The following FER variants were observed in gnomAD, a reference collection of about 807,000 sequenced individuals.
FER encodes the protein FER tyrosine kinase, also known as tyrosine-protein kinase Fer.
FER carries 63 observed loss-of-function variants against 111.0 expected under a neutral mutation model. That is an observed-to-expected ratio of 0.57 (90% CI 0.46 to 0.70). The LOEUF (loss-of-function observed/expected upper bound fraction) is 0.70, where lower values mean the gene tolerates loss of function less well. Ranked by LOEUF, FER falls within the 30% of genes least tolerant of loss-of-function variation. The pLI is 0.00. For synonymous variants in FER, 327 were observed against 313.9 expected, an observed-to-expected ratio of 1.04 and a Z score of -0.44; for missense variants, 914 against 954.0, an observed-to-expected ratio of 0.96 and a Z score of 0.55.
chr5:108,823,627 A>G (rs1759134468), intron 3 of FER, among the ~76,000 whole-genome samples: 1 of 151,986 alleles, frequency 6.6e-6, no homozygotes, highest in African/African-American at 2.4e-5. Context: ...AAACTGAGCT[A>G]TTTTTTTCTG....
rs1383440664 is a variant in FER at position 109,119,200 on chromosome 5, T to A, written c.2048+18681T>A. Among the ~76,000 whole-genome samples the A allele has an allele frequency of 2.6e-5, 4 of 152,334 alleles. No individual in the cohort carries two copies. The East Asian group carries it at 7.7e-4, about 29-fold the overall frequency. Reference sequence around the variant, plus strand: ...TTTGAATGTGTCTCAGAGATTCTGGTATGTTGTGTGTTTGTTCTCATTGGT... The same window carrying A: ...TTTGAATGTGTCTCAGAGATTCTGGAATGTTGTGTGTTTGTTCTCATTGGT... On this transcript the variant is annotated intron_variant, in intron 17 of 19. Coordinates refer to ENST00000281092, the MANE Select transcript of FER (RefSeq NM_005246.4).
intron 11 of FER, among the ~76,000 whole-genome samples, chr5:108,951,934 A>C (rs568824314): frequency 6.6e-6 from 1 of 152,224 alleles, no homozygotes; most frequent in South Asian, 2.1e-4. Context: ...TTCTTTCCCC[A>C]AGAAAAAAAT....
At position 109,191,170 on chromosome 5, in the gene FER, C is replaced by CAAAT. The variant is rs1043605959; in HGVS notation, c.*3600_*3603dup. Reference sequence around the variant, plus strand: ...AAACAAAAATTAAAATGCAACAATCCAAATAAATTATAATGTAACAATACA... The same window carrying CAAAT: ...AAACAAAAATTAAAATGCAACAATCCAAATAAATAAATTATAATGTAACAATACA... On this transcript the variant is annotated 3_prime_UTR_variant, in exon 20 of 20. Transcript: ENST00000281092. 1 of 152,054 alleles carries CAAAT rather than the reference C, an allele frequency of 6.6e-6. No individual in the cohort carries two copies. The highest frequency in any genetic ancestry group is 2.4e-5 in the African/African-American group (1 of 41,400). The allele number at this position is 152,054 out of a possible 1,614,324, so 9.4% of individuals were successfully genotyped here.
At chr5:109,124,812 C>T (rs1055294518) in intron 17 of FER, among the ~76,000 whole-genome samples, 12 of 151,934 alleles carry the variant, frequency 7.9e-5, no homozygotes, top group South Asian at 6.2e-4. Context: ...TTTGGGAGGC[C>T]GAGACAGGTG....
intron 5 of FER, among the ~76,000 whole-genome samples, chr5:108,852,648 A>T (rs1343959289): frequency 6.6e-6 from 1 of 152,102 alleles, no homozygotes; most frequent in Non-Finnish European, 1.5e-5. Flanking sequence ...GTTGGTCATG[A>T]ATTCTACTGA....
intron 16 of FER, among the ~76,000 whole-genome samples, chr5:109,050,744 T>TA (rs878888221): frequency 1.3e-5 from 2 of 152,006 alleles, no homozygotes; most frequent in South Asian, 2.1e-4. Context: ...ATACCAAGAA[T>TA]AAAAAAATAT....
intron 13 of FER, among the ~76,000 whole-genome samples, chr5:109,014,037 G>T (rs1766685549): frequency 6.6e-6 from 1 of 150,774 alleles, no homozygotes; most frequent in Non-Finnish European, 1.5e-5. Context: ...TAGGTTGCCT[G>T]TTCACTCTGA....
intron 5 of FER, among the ~76,000 whole-genome samples, chr5:108,862,051 G>C (rs927046414): frequency 1.3e-5 from 2 of 152,138 alleles, no homozygotes; most frequent in Non-Finnish European, 2.9e-5. Context: ...GTGAGCTGTG[G>C]AGTACTCCTC....
At chr5:109,174,850 C>G (rs1402790240) in intron 17 of FER, among the ~76,000 whole-genome samples, 2 of 152,130 alleles carry the variant, frequency 1.3e-5, no homozygotes, top group African/African-American at 4.8e-5. Context: ...AATTGAGAAG[C>G]ATAGTAGGTG....
intron 2 of FER, among the ~76,000 whole-genome samples, chr5:108,777,762 G>C (rs948945031): frequency 2.6e-5 from 4 of 152,188 alleles, no homozygotes; most frequent in African/African-American, 9.7e-5. Flanking sequence ...GGAAGGCAAG[G>C]AGGAGCAAGT....
chr5:108,857,386 T>G (rs951976723), intron 5 of FER, among the ~76,000 whole-genome samples: 6 of 152,140 alleles, frequency 3.9e-5, no homozygotes, highest in Admixed American at 6.5e-5. Context: ...TGTTCTGTTG[T>G]TGGTGCTTTA....
intron 13 of FER, among the ~76,000 whole-genome samples, chr5:108,995,314 C>A (rs1763844507): frequency 6.6e-6 from 1 of 151,942 alleles, no homozygotes; most frequent in Non-Finnish European, 1.5e-5. Context: ...ATGTGCAGAA[C>A]ATGCAGGTTT....
Position 108,835,192 on chromosome 5 carries a change from C to A in FER, c.382-516C>A, listed in dbSNP as rs190406944. Among the ~76,000 whole-genome samples the A allele has an allele frequency of 3.3e-5, 4 of 121,622 alleles. 2 individuals are homozygous for A. Among genetic ancestry groups the A allele is most frequent in the African/African-American group, 1.3e-4 (4 of 29,948 alleles). 79.8% of individuals were successfully genotyped at this position (121,622 alleles called of 152,430 possible). On this transcript the variant is annotated intron_variant, in intron 4 of 19. Transcript: ENST00000281092. ...ATTTCTTCGTTTGCGCCACCCCCCC[C>A]CCCCCACTTTTTTTTTGAGTCAAGT...
At chr5:108,872,877 A>G (rs1027378726) in intron 8 of FER, among the ~76,000 whole-genome samples, 2 of 152,216 alleles carry the variant, frequency 1.3e-5, no homozygotes, top group Non-Finnish European at 2.9e-5. Flanking sequence ...TTTATTAACA[A>G]ACATTGCATG....
chr5:108,985,786 A>T (rs943504776), intron 13 of FER, among the ~76,000 whole-genome samples: 20 of 152,310 alleles, frequency 1.3e-4, no homozygotes, highest in African/African-American at 4.6e-4. Flanking sequence ...TTTATGGCTG[A>T]ATAGTGTTAT....
intron 3 of FER, among the ~76,000 whole-genome samples, chr5:108,807,271 TC>T (rs1274447057): frequency 1.3e-5 from 2 of 152,184 alleles, no homozygotes; most frequent in African/African-American, 2.4e-5. Flanking sequence ...TAAACCTCTG[TC>T]TTTTGTAAAT....
intron 4 of FER, among the ~76,000 whole-genome samples, chr5:108,833,440 C>T (rs1032196514): frequency 6.6e-6 from 1 of 151,118 alleles, no homozygotes; most frequent in Non-Finnish European, 1.5e-5. Context: ...AATCAACTTC[C>T]ACCTACCCAT....
In FER at chr5:109,101,765, C is replaced by T. The variant is rs548203072; in HGVS notation, c.2048+1246C>T. On this transcript the variant is annotated intron_variant, in intron 17 of 19. Transcript: ENST00000281092. Reference sequence around the variant, plus strand: ...TGATTCTGGATAAAAATTGTACTACCATTAATTTCATTAGTGGTCAACACT... The same window carrying T: ...TGATTCTGGATAAAAATTGTACTACTATTAATTTCATTAGTGGTCAACACT... 1.3e-3 allele frequency among the ~76,000 whole-genome samples: 191 copies of T among 152,116 alleles called. 2 individuals are homozygous for T. Among genetic ancestry groups the T allele is most frequent in the African/African-American group, 4.2e-3 (176 of 41,530 alleles).
At chr5:108,908,931 T>C (rs1751167235) in intron 10 of FER, among the ~76,000 whole-genome samples, 1 of 151,978 alleles carries the variant, frequency 6.6e-6, no homozygotes, top group South Asian at 2.1e-4. Flanking sequence ...CTCAGGAGAC[T>C]AAGGTGGGAC....
Sources: gnomAD v4.1 joint callset for allele counts (sites outside exome capture counted in the v4.1 genomes callset) on GRCh38, gnomAD v4.1.1 for gene constraint, MANE v1.5 for transcripts, NCBI Gene and HGNC (gene_info 2026-07-23, HGNC 2026-07-21) for gene names.